THOP1: variants seen among roughly 807,000 people sequenced by gnomAD.
THOP1 encodes the protein thimet oligopeptidase.
THOP1 carries 49 observed loss-of-function variants against 71.8 expected under a neutral mutation model. The ratio of observed to expected loss-of-function variants is 0.68; its 90% CI spans 0.54 to 0.87. The LOEUF is 0.87. Among genes scored for constraint, THOP1 ranks in the 40% least tolerant of loss-of-function variants. The probability of loss-of-function intolerance (pLI) is 0.00; values close to 1 mark genes in which losing one functional copy is unlikely to be tolerated. For synonymous variants in THOP1, 426 were observed against 421.5 expected (o/e 1.01, Z -0.13); for missense variants, 843 against 975.6 (o/e 0.86, Z 1.81).
rs757826067 is a variant in THOP1, at chr19:2,807,760, C to T, written c.1205C>T (p.Ala402Val). 12 of 1,549,860 alleles carry T rather than the reference C, an allele frequency of 7.7e-6. No homozygotes were observed. The highest frequency in any genetic ancestry group is 3.6e-5 in the South Asian group (3 of 82,926). Reference sequence around the variant, plus strand: ...GTGCGGCTCTACACCGCGAGGGACGCGGCCTCGGGGGAGGTGGTCGGCAAG... The same window carrying T: ...GTGCGGCTCTACACCGCGAGGGACGTGGCCTCGGGGGAGGTGGTCGGCAAG... ...EDVRLYTARD[A>V]ASGEVVGKFY... Residue 402 changes from alanine (A) to valine (V), a missense_variant, in exon 8 of 13, where the codon GCG (alanine) becomes GTG (valine). Ala to Val is a moderately conservative substitution (Grantham distance 64). Transcript: ENST00000307741.
chr19:2,790,024 ATTACAGGC>A (rs1258994601), intron 1 of THOP1: 1 of 160,420 alleles, frequency 6.2e-6, no homozygotes, highest in African/African-American at 2.4e-5. Flanking sequence ...AAGTGCTGGG[ATTACAGGC>A]GTGAGCCACC....
chr19:2,807,114 G>A lies in THOP1; in HGVS notation c.886+62G>A. The stretch of plus-strand genomic sequence containing the variant: ...GGGAAGGTTCTCAGGGTCACCCCAG[G>A]GGACAGTCGGTGCTACCCCTAGAGC... On this transcript the variant is annotated intron_variant, in intron 7 of 12. Coordinates refer to ENST00000307741, the MANE Select transcript of THOP1 (RefSeq NM_003249.5). 3.3e-6 allele frequency: 5 copies of A among 1,529,032 alleles called. No individual in the cohort carries two copies. The South Asian group carries it at 5.0e-5, about 15-fold the overall frequency. 94.7% of individuals were successfully genotyped at this position (1,529,032 alleles called of 1,614,324 possible).
chr19:2,799,848 C>CTA (rs1916105264), intron 5 of THOP1, 57 bp downstream of exon 5: 5 of 1,492,238 alleles, frequency 3.4e-6, no homozygotes, highest in Middle Eastern at 3.4e-4. Context: ...CAGTGCAGGC[C>CTA]TGCCAGGCCC....
At chr19:2,810,188 C>T (rs1916420729) in intron 9 of THOP1, 116 bp from the exon 10 acceptor site, 3 of 1,317,432 alleles carry the variant, frequency 2.3e-6, no homozygotes, top group Non-Finnish European at 1.0e-6. Flanking sequence ...GGGCCGGGCC[C>T]AGCGCATCAC....
intron 5 of THOP1, among the ~76,000 whole-genome samples, chr19:2,800,627 A>G (rs1482384781): frequency 6.6e-6 from 1 of 152,174 alleles, no homozygotes; most frequent in African/African-American, 2.4e-5. Flanking sequence ...ACCTGGGCGT[A>G]TGTTTCCTGA....
In THOP1 at chr19:2,805,328, T is replaced by G; in HGVS notation, c.750+152T>G. 1.0e-6 allele frequency: 1 copy of G among 969,596 alleles called. No individual in the cohort carries two copies. Among genetic ancestry groups the G allele is most frequent in the Non-Finnish European group, 1.5e-6 (1 of 674,306 alleles). 60.1% of individuals were successfully genotyped at this position (969,596 alleles called of 1,614,324 possible). On this transcript the variant is annotated intron_variant, in intron 6 of 12. Transcript: ENST00000307741. This position sits in a 1 kb window ranked among gnomAD's most constrained non-coding sequence, Gnocchi z 6.6. Reference sequence around the variant, plus strand: ...CCAGTGGCCAGCAGAGGCCTCCCTGTGGGGCTCTGCCGTGCCCTGGAGGTG... The same window carrying G: ...CCAGTGGCCAGCAGAGGCCTCCCTGGGGGGCTCTGCCGTGCCCTGGAGGTG...
intron 5 of THOP1, among the ~76,000 whole-genome samples, chr19:2,803,199 C>G (rs1916199655): frequency 6.6e-6 from 1 of 152,244 alleles, no homozygotes; most frequent in South Asian, 2.1e-4. Flanking sequence ...GATGTGTTCA[C>G]CACTGCCAGG....
intron 2 of THOP1, among the ~76,000 whole-genome samples, chr19:2,793,442 T>G (rs1915932332): frequency 6.6e-6 from 1 of 151,928 alleles, no homozygotes; most frequent in African/African-American, 2.4e-5. Context: ...CTGTAATCCC[T>G]GCACATTGGG....
At chr19:2,803,943 G>T (rs1916221349) in intron 5 of THOP1, among the ~76,000 whole-genome samples, 1 of 152,040 alleles carries the variant, frequency 6.6e-6, no homozygotes, top group Admixed American at 6.5e-5. Context: ...TGGGGTCGGG[G>T]TGAGCTCCCA....
In THOP1 at chr19:2,813,365, C is replaced by T; in HGVS notation, c.*89C>T. The T allele has an allele frequency of 2.8e-6, 4 of 1,431,782 alleles. No individual in the cohort carries two copies. The highest frequency in any genetic ancestry group is 3.7e-6 in the Non-Finnish European group (4 of 1,078,096). The allele number at this position is 1,431,782 out of a possible 1,614,324, so 88.7% of individuals were successfully genotyped here. ...GCACAGGATGGGGCAGGCTCTGGCA[C>T]AGTGCCTGGGACTGGCAGGGTGGCT... is the stretch of plus-strand genomic sequence containing the variant. On this transcript the variant is annotated 3_prime_UTR_variant, in exon 13 of 13. Coordinates refer to ENST00000307741, the MANE Select transcript of THOP1 (RefSeq NM_003249.5).
chr19:2,793,615 A>G (rs1407575552), intron 2 of THOP1, among the ~76,000 whole-genome samples: 3 of 152,000 alleles, frequency 2.0e-5, no homozygotes, highest in Non-Finnish European at 2.9e-5. Context: ...GCTTGAACCC[A>G]GGAGTTGAAG....
intron 12 of THOP1, chr19:2,812,288 G>A (rs886768015): frequency 5.2e-6 from 8 of 1,535,408 alleles, no homozygotes; most frequent in Non-Finnish European, 7.0e-6. Context: ...AGCCGCCAGA[G>A]TCCCTCACAA....
intron 2 of THOP1, among the ~76,000 whole-genome samples, chr19:2,793,557 G>A (rs1236077886): frequency 6.6e-6 from 1 of 152,146 alleles, no homozygotes; most frequent in African/African-American, 2.4e-5. Flanking sequence ...GGGCGTGGTG[G>A]TGGGTACCTG....
rs114917644 is a variant in THOP1 at position 2,801,419 on chromosome 19, C to T, written c.589+1628C>T. 2.6e-3 allele frequency among the ~76,000 whole-genome samples: 403 copies of T among 152,254 alleles called. No homozygotes were observed. The highest frequency in any genetic ancestry group is 9.1e-3 in the African/African-American group (380 of 41,536). On this transcript the variant is annotated intron_variant, in intron 5 of 12. Coordinates refer to ENST00000307741, the MANE Select transcript of THOP1 (RefSeq NM_003249.5). This position sits in a 1 kb window ranked among gnomAD's most constrained non-coding sequence, Gnocchi z 5.1. ...CTCTTTGGGGTGCCGTTCCATTTGTCGGGCCTGAGGGGTCTCCCGTGCAGG... is the reference window on the plus strand; with the variant it reads ...CTCTTTGGGGTGCCGTTCCATTTGTTGGGCCTGAGGGGTCTCCCGTGCAGG...
chr19:2,787,399 C>T (rs1161619517), intron 1 of THOP1, among the ~76,000 whole-genome samples: 1 of 152,194 alleles, frequency 6.6e-6, no homozygotes, highest in Non-Finnish European at 1.5e-5. Flanking sequence ...ATCCTTGGCA[C>T]AATCAGTAAA....
At chr19:2,787,303 G>A (rs545644427) in intron 1 of THOP1, among the ~76,000 whole-genome samples, 2 of 152,150 alleles carry the variant, frequency 1.3e-5, no homozygotes, top group Non-Finnish European at 2.9e-5. Context: ...AGCCCATTGC[G>A]ATGAGGGTGA....
Position 2,814,536 on chromosome 19 carries a change from A to T in THOP1, c.*1260A>T, listed in dbSNP as rs1287781844. 1.3e-5 allele frequency: 2 copies of T among 152,394 alleles called. No homozygotes were observed. Among genetic ancestry groups the T allele is most frequent in the African/African-American group, 4.8e-5 (2 of 41,454 alleles). 9.4% of individuals were successfully genotyped at this position (152,394 alleles called of 1,614,324 possible). Reference sequence around the variant, plus strand: ...CATCTGCTTCAGCCCCTCCTGTCCCATTCCCACCCAGCCCAGGTCAGTGTG... The same window carrying T: ...CATCTGCTTCAGCCCCTCCTGTCCCTTTCCCACCCAGCCCAGGTCAGTGTG... On this transcript the variant is annotated 3_prime_UTR_variant, in exon 13 of 13. Coordinates refer to ENST00000307741, the MANE Select transcript of THOP1 (RefSeq NM_003249.5).
At chr19:2,808,541 C>G (rs1599531685) in intron 9 of THOP1, 97 bp downstream of exon 9, 11 of 1,340,606 alleles carry the variant, frequency 8.2e-6, no homozygotes, top group Non-Finnish European at 1.1e-5. Context: ...TTCCGGCTCT[C>G]TCTGCACCCG....
intron 9 of THOP1, chr19:2,810,081 T>C (rs1916416622): frequency 3.5e-6 from 2 of 579,004 alleles, no homozygotes; most frequent in Non-Finnish European, 3.0e-6. Flanking sequence ...GACGGGGTCA[T>C]GTGGCCGGCA....
Sources: gnomAD v4.1 joint callset for allele counts (sites outside exome capture counted in the v4.1 genomes callset) on GRCh38, gnomAD v4.1.1 for gene constraint, Gnocchi (gnomAD v3.1) non-coding constraint, MANE v1.5 for transcripts, NCBI Gene and HGNC (gene_info 2026-07-23, HGNC 2026-07-21) for gene names.